The following SEMA3E variants were observed in gnomAD, a reference collection of about 807,000 sequenced individuals.
The protein encoded by SEMA3E is semaphorin-3E.
SEMA3E carries 49 observed loss-of-function variants against 93.6 expected under a neutral mutation model. That is an observed-to-expected ratio of 0.52 (90% CI 0.42 to 0.66). The LOEUF is 0.66. SEMA3E is among the 30% of genes least tolerant of loss of function. The pLI is 0.00. For missense variants in SEMA3E, 906 were observed against 964.8 expected (o/e 0.94, Z 0.81); for synonymous variants, 363 against 330.7 (o/e 1.10, Z -1.06).
chr7:83,605,929 T>C (rs1447745348), intron 1 of SEMA3E, among the ~76,000 whole-genome samples: 1 of 152,228 alleles, frequency 6.6e-6, no homozygotes, highest in Non-Finnish European at 1.5e-5. Context: ...TTTCTTTTGC[T>C]GTGCAGAAGA....
At chr7:83,456,123 G>A (rs562213562) in intron 4 of SEMA3E, among the ~76,000 whole-genome samples, 1 of 152,186 alleles carries the variant, frequency 6.6e-6, no homozygotes, top group Non-Finnish European at 1.5e-5. Flanking sequence ...TGCTAAAGTC[G>A]TCTCATTCTT....
chr7:83,636,962 C>A (rs1793893000), intron 1 of SEMA3E, among the ~76,000 whole-genome samples: 1 of 151,924 alleles, frequency 6.6e-6, no homozygotes, highest in Non-Finnish European at 1.5e-5. Flanking sequence ...CGACCTGTCT[C>A]CTTTTACAAC....
At chr7:83,498,747 G>A (rs1197282144) in intron 1 of SEMA3E, among the ~76,000 whole-genome samples, 2 of 152,072 alleles carry the variant, frequency 1.3e-5, no homozygotes, top group African/African-American at 4.8e-5. Context: ...CCAAAGTCGT[G>A]GGATTACAGG....
intron 4 of SEMA3E, among the ~76,000 whole-genome samples, chr7:83,454,907 G>C (rs925709678): frequency 1.2e-4 from 18 of 152,140 alleles, no homozygotes; most frequent in Non-Finnish European, 4.4e-5. Flanking sequence ...ATCATTTCCA[G>C]TCTATAACAT....
chr7:83,483,954 T>C (rs1790199843), intron 2 of SEMA3E, among the ~76,000 whole-genome samples: 1 of 152,192 alleles, frequency 6.6e-6, no homozygotes, highest in African/African-American at 2.4e-5. Flanking sequence ...AGGTCAACAG[T>C]GAATACTTGG....
At chr7:83,494,199 C>T (rs767976319) in intron 1 of SEMA3E, among the ~76,000 whole-genome samples, 7 of 151,354 alleles carry the variant, frequency 4.6e-5, no homozygotes, top group African/African-American at 1.5e-4. Context: ...GGAAGTCATC[C>T]GCTAATATCT....
intron 1 of SEMA3E, among the ~76,000 whole-genome samples, chr7:83,497,773 G>A (rs982513897): frequency 6.6e-6 from 1 of 152,084 alleles, no homozygotes; most frequent in Non-Finnish European, 1.5e-5. Flanking sequence ...GAACTTTTAG[G>A]TTCTATTATT....
intron 4 of SEMA3E, among the ~76,000 whole-genome samples, chr7:83,465,645 TAAC>T (rs1399006824): frequency 1.3e-5 from 2 of 152,180 alleles, no homozygotes; most frequent in African/African-American, 4.8e-5. Flanking sequence ...TCTAGCTGCT[TAAC>T]AACAGAATAT....
chr7:83,388,697 C>G (rs1194369621), intron 14 of SEMA3E, among the ~76,000 whole-genome samples: 1 of 152,026 alleles, frequency 6.6e-6, no homozygotes, highest in East Asian at 1.9e-4. Flanking sequence ...ATTCCCAATA[C>G]CACCACTAAT....
intron 4 of SEMA3E, among the ~76,000 whole-genome samples, chr7:83,460,421 G>A (rs563411578): frequency 2.0e-5 from 3 of 151,922 alleles, no homozygotes; most frequent in East Asian, 2.0e-4. Context: ...CCAAAACTCC[G>A]GCACGGGTCA....
At chr7:83,449,005 T>A (rs1789296208) in intron 4 of SEMA3E, among the ~76,000 whole-genome samples, 1 of 152,162 alleles carries the variant, frequency 6.6e-6, no homozygotes. Flanking sequence ...GTACTTAATT[T>A]ACTACTGGCC....
At chr7:83,501,941 T>G (rs756349445) in intron 1 of SEMA3E, among the ~76,000 whole-genome samples, 8 of 152,280 alleles carry the variant, frequency 5.3e-5, no homozygotes, top group Middle Eastern at 3.4e-3. Flanking sequence ...ATTTTTGTCT[T>G]CTATCTTGAC....
At chr7:83,548,330 G>A (rs1791691782) in intron 1 of SEMA3E, among the ~76,000 whole-genome samples, 1 of 152,066 alleles carries the variant, frequency 6.6e-6, no homozygotes, top group African/African-American at 2.4e-5. Context: ...CTAGAAACAA[G>A]TCAAGGTATA....
chr7:83,485,862 T>A (rs1790240092), intron 2 of SEMA3E, among the ~76,000 whole-genome samples: 1 of 152,168 alleles, frequency 6.6e-6, no homozygotes, highest in South Asian at 2.1e-4. Flanking sequence ...TTTTATTATA[T>A]GTTCTAATGA....
chr7:83,482,564 C>CAAAAAA (rs11429680), intron 2 of SEMA3E, among the ~76,000 whole-genome samples: 1 of 80,228 alleles, frequency 1.2e-5, no homozygotes, highest in East Asian at 3.7e-4. Flanking sequence ...CACTCCGTCT[C>CAAAAAA]AAAAAAAAAA....
intron 5 of SEMA3E, among the ~76,000 whole-genome samples, chr7:83,410,438 T>G (rs2723041): frequency 0.51 from 76,899 of 151,864 alleles, 22,348 homozygotes; most frequent in East Asian, 0.85. Context: ...ACTAAATGAC[T>G]ATTTAAATCT....
chr7:83,565,936 C>T (rs1486375357), intron 1 of SEMA3E, among the ~76,000 whole-genome samples: 2 of 150,786 alleles, frequency 1.3e-5, no homozygotes, highest in Non-Finnish European at 3.0e-5. Context: ...TTCAATTTTA[C>T]AACACATATA....
chr7:83,636,655 G>A (rs536589960), intron 1 of SEMA3E, among the ~76,000 whole-genome samples: 1 of 152,172 alleles, frequency 6.6e-6, no homozygotes, highest in African/African-American at 2.4e-5. Context: ...TAGAAATGGG[G>A]GAAATTAAAT....
chr7:83,443,638 TA>T (rs1273119764), intron 4 of SEMA3E, among the ~76,000 whole-genome samples: 1 of 151,974 alleles, frequency 6.6e-6, no homozygotes, highest in African/African-American at 2.4e-5. Context: ...AGTCAAAGAG[TA>T]ATTAGTCCAG....
Sources: gnomAD v4.1 joint callset for allele counts (sites outside exome capture counted in the v4.1 genomes callset) on GRCh38, gnomAD v4.1.1 for gene constraint, MANE v1.5 for transcripts, NCBI Gene and HGNC (gene_info 2026-07-23, HGNC 2026-07-21) for gene names.